Variants in PLIN1 observed in about 807,000 individuals in gnomAD.
The protein encoded by PLIN1 is perilipin 1.
In PLIN1, 37 loss-of-function variants were observed where a neutral mutation model predicts 45.8. The ratio of observed to expected loss-of-function variants is 0.81; its 90% CI spans 0.62 to 1.06. The LOEUF (loss-of-function observed/expected upper bound fraction) is 1.06, where lower values mean the gene tolerates loss of function less well. Among genes scored for constraint, PLIN1 ranks in the 50% least tolerant of loss-of-function variants. The probability of loss-of-function intolerance (pLI) is 0.00; values close to 1 mark genes in which losing one functional copy is unlikely to be tolerated. For missense variants in PLIN1, 776 were observed against 716.5 expected (o/e 1.08, Z -0.95); for synonymous variants, 340 against 309.2 (o/e 1.10, Z -1.05).
rs755301166 is a variant in PLIN1 at position 89,667,719 on chromosome 15, G to A, written c.846C>T (p.Pro282=). Residue 282 remains proline (P), a synonymous_variant, in exon 7 of 9, where the codon CCC becomes CCT. Transcript: ENST00000300055. ...GGGCGGCTGCGAGGCTGTGCAGCCA[G>A]GGTACCCGCACTTCGCTCCTCCGCC... is the stretch of plus-strand genomic sequence containing the variant. ...VSRRRSEVRV[P]WLHSLAAAQE... is the part of the protein sequence containing the mutation. The A allele has an allele frequency of 6.0e-5, 95 of 1,578,434 alleles. No homozygotes were observed. The highest frequency in any genetic ancestry group is 8.0e-5 in the Non-Finnish European group (93 of 1,162,312).
At chr15:89,678,850 CCTAT>C (rs1964557664) in intron 1 of PLIN1, among the ~76,000 whole-genome samples, 2 of 152,034 alleles carry the variant, frequency 1.3e-5, no homozygotes, top group African/African-American at 2.4e-5. Flanking sequence ...TCCCCCTCTC[CCTAT>C]CTGTTTTTTG....
chr15:89,672,345 T>C (rs1410124988), intron 3 of PLIN1, among the ~76,000 whole-genome samples: 1 of 152,220 alleles, frequency 6.6e-6, no homozygotes, highest in Non-Finnish European at 1.5e-5. Context: ...TCATACTCTT[T>C]CATATATTCT....
chr15:89,678,112 C>T (rs1304291675), intron 1 of PLIN1, among the ~76,000 whole-genome samples: 2 of 151,680 alleles, frequency 1.3e-5, no homozygotes, highest in Non-Finnish European at 2.9e-5. Flanking sequence ...AGGCTGGTCT[C>T]GAACTCCTGG....
Position 89,670,079 on chromosome 15 carries a change from T to G in PLIN1, c.499A>C (p.Thr167Pro). The G allele has an allele frequency of 6.2e-7, 1 of 1,613,914 alleles. No individual in the cohort carries two copies. The change falls in exon 5 of 9, where the codon ACT becomes CCT. Residue 167 changes from threonine to proline, a missense_variant. Thr to Pro is a conservative substitution (Grantham distance 38). Coordinates refer to ENST00000300055, the MANE Select transcript of PLIN1 (RefSeq NM_002666.5). ...ARDTAEFAAN[T>P]RAGRLASGGA... ...CCAGAAGCCAGTCGGCCAGCTCGAGTGTTGGCAGCAAATTCCGCAGTGTCT... is the reference window on the plus strand; with the variant it reads ...CCAGAAGCCAGTCGGCCAGCTCGAGGGTTGGCAGCAAATTCCGCAGTGTCT...
At chr15:89,666,062 G>T in intron 8 of PLIN1, 120 bp from the exon 9 acceptor site, 1 of 716,258 alleles carries the variant, frequency 1.4e-6, no homozygotes, top group Non-Finnish European at 2.0e-6. Flanking sequence ...GGAGGACACA[G>T]GCTGGGGAGC....
At chr15:89,669,709 G>A (rs753923647) in intron 5 of PLIN1, 37 bp from the exon 6 acceptor site, 2 of 1,596,644 alleles carry the variant, frequency 1.3e-6, no homozygotes, top group Non-Finnish European at 8.6e-7. Context: ...GAGAAAACAG[G>A]TCAGAGAGGG....
intron 6 of PLIN1, among the ~76,000 whole-genome samples, chr15:89,668,909 T>C (rs778943125): frequency 1.3e-5 from 2 of 152,336 alleles, no homozygotes; most frequent in Non-Finnish European, 2.9e-5. Context: ...TTTTCTGGCC[T>C]TAGTTTCTTA....
chr15:89,676,435 G>T (rs535870877), intron 2 of PLIN1, among the ~76,000 whole-genome samples: 18 of 152,198 alleles, frequency 1.2e-4, no homozygotes, highest in Admixed American at 1.2e-3. Flanking sequence ...TTTTAGTAGA[G>T]ATGGGGTTTC....
At position 89,679,312 on chromosome 15, in the gene PLIN1, CA is replaced by C. The variant is rs1964564031; in HGVS notation, c.-77del. 1 of 152,788 alleles carries C rather than the reference CA, an allele frequency of 6.5e-6. No homozygotes were observed. The highest frequency in any genetic ancestry group is 6.6e-5 in the Admixed American group (1 of 15,266). 9.5% of individuals were successfully genotyped at this position (152,788 alleles called of 1,614,324 possible). A position where few individuals can be genotyped will look rare whatever the true frequency, so the allele number is the denominator to read the frequency against. On this transcript the variant is annotated 5_prime_UTR_variant, in exon 1 of 9. Coordinates refer to ENST00000300055, the MANE Select transcript of PLIN1 (RefSeq NM_002666.5). ...ATGTAAGGCAGGTGCCCCAGGACCC[CA>C]ACACTCACTCCGGCTGACCGCCACC...
rs1324860546 is a variant in PLIN1, at chr15:89,676,500, G to GC, written c.45+944dup. 3.3e-5 allele frequency: 5 copies of GC among 152,332 alleles called. No individual in the cohort carries two copies. The East Asian group carries it at 9.6e-4, about 29-fold the overall frequency. The allele number at this position is 152,332 out of a possible 1,614,324, so 9.4% of individuals were successfully genotyped here. The stretch of plus-strand genomic sequence containing the variant: ...CTGACCTTGTGAACCGCCCGCCTTG[G>GC]CCTCCCAAAGTGCTGGGATTACAGG... On this transcript the variant is annotated intron_variant, in intron 2 of 8. Transcript: ENST00000300055.
chr15:89,666,050 C>T (rs1263791177), intron 8 of PLIN1, 108 bp from the exon 9 acceptor site: 2 of 785,640 alleles, frequency 2.5e-6, no homozygotes, highest in Admixed American at 3.6e-5. Context: ...GAGCGGCCGT[C>T]AGGAGGACAC....
rs1282002804 is a variant in PLIN1 at position 89,667,134 on chromosome 15, A to G, written c.1011T>C (p.His337=). The G allele has an allele frequency of 5.6e-6, 9 of 1,613,702 alleles. No homozygotes were observed. The East Asian group carries it at 6.7e-5, about 12-fold the overall frequency. The stretch of plus-strand genomic sequence containing the variant: ...TGGTCTGGAGGGTCTTCTGCAGGGT[A>G]TGTGCCACACCACCCAGGAGGCCTC... ...GPRGLLGGVA[H]TLQKTLQTTI... is the part of the protein sequence containing the mutation. The change falls in exon 8 of 9, where the codon CAT becomes CAC. Residue 337 remains histidine, a synonymous_variant. Coordinates refer to ENST00000300055, the MANE Select transcript of PLIN1 (RefSeq NM_002666.5).
At position 89,667,159 on chromosome 15, in the gene PLIN1, C is replaced by T. The variant is rs372063597; in HGVS notation, c.986G>A (p.Arg329Gln). Residue 329 changes from arginine (R) to glutamine (Q), a missense_variant, in exon 8 of 9, where the codon CGA (arginine) becomes CAA (glutamine). By Grantham distance (43) the Arg-to-Gln change is conservative. Coordinates refer to ENST00000300055, the MANE Select transcript of PLIN1 (RefSeq NM_002666.5). ...ATGTGCCACACCACCCAGGAGGCCT[C>T]GAGGGCCTGGCAGGGCTGCTACCTG... ...FSEVAALPGP[R>Q]GLLGGVAHTL... is the part of the protein sequence containing the mutation. 46 of 1,613,606 alleles carry T rather than the reference C, an allele frequency of 2.9e-5. No individual in the cohort carries two copies. The highest frequency in any genetic ancestry group is 1.3e-4 in the East Asian group (6 of 44,870).
chr15:89,666,750 A>G (rs1405409092), intron 8 of PLIN1, among the ~76,000 whole-genome samples, 186 bp downstream of exon 8: 1 of 151,354 alleles, frequency 6.6e-6, no homozygotes, highest in Non-Finnish European at 1.5e-5. Flanking sequence ...GGGCCTCTAT[A>G]CTCCTGGGGC....
rs775295801 is a variant in PLIN1, at chr15:89,667,695, G to C, written c.870C>G (p.Ala290=). ...RVPWLHSLAA[A]QEEDHEDQTD... Reference sequence around the variant, plus strand: ...TCTGGTCCTCATGATCCTCCTCCTGGGCGGCTGCGAGGCTGTGCAGCCAGG... The same window carrying C: ...TCTGGTCCTCATGATCCTCCTCCTGCGCGGCTGCGAGGCTGTGCAGCCAGG... Residue 290 remains alanine (A), a synonymous_variant, in exon 7 of 9, where the codon GCC becomes GCG. Coordinates refer to ENST00000300055, the MANE Select transcript of PLIN1 (RefSeq NM_002666.5). 6 of 1,593,362 alleles carry C rather than the reference G, an allele frequency of 3.8e-6. No homozygotes were observed. Among genetic ancestry groups the C allele is most frequent in the Non-Finnish European group, 5.1e-6 (6 of 1,169,948 alleles).
In PLIN1 at chr15:89,669,645, T is replaced by C. The variant is rs769124410; in HGVS notation, c.626A>G (p.Gln209Arg). The C allele has an allele frequency of 6.2e-7, 1 of 1,614,002 alleles. No homozygotes were observed. Among genetic ancestry groups the C allele is most frequent in the South Asian group, 1.1e-5 (1 of 91,086 alleles). ...SAPAPGHQQA[Q>R]KSPKAKPSLL... is the part of the protein sequence containing the mutation. ...GCTTGGCTTGGCCTTGGGAGACTTCTGGGCTTGCTGGTGTCCAGGAGCAGG... is the reference window on the plus strand; with the variant it reads ...GCTTGGCTTGGCCTTGGGAGACTTCCGGGCTTGCTGGTGTCCAGGAGCAGG... The change falls in exon 6 of 9, where the codon CAG becomes CGG. Residue 209 changes from glutamine (Q) to arginine (R), a missense_variant. Transcript: ENST00000300055.
chr15:89,673,345 T>C lies in PLIN1; in HGVS notation c.115A>G (p.Lys39Glu). ...GCTTCCTTAGTGCTGGTGTAGGTCT[T>C]CTGGAAGCATTCGCAGGTGCCACTC... Reference protein sequence around the residue: ...VVSGTCECFQKTYTSTKEAHP... With the variant: ...VVSGTCECFQETYTSTKEAHP... Residue 39 changes from lysine (K) to glutamate (E), a missense_variant, in exon 3 of 9, where the codon AAG becomes GAG. Transcript: ENST00000300055. 1 of 1,600,598 alleles carries C rather than the reference T, an allele frequency of 6.2e-7. No individual in the cohort carries two copies. The highest frequency in any genetic ancestry group is 8.5e-7 in the Non-Finnish European group (1 of 1,173,498).
intron 3 of PLIN1, among the ~76,000 whole-genome samples, 186 bp from the exon 4 acceptor site, chr15:89,671,750 G>A (rs1013174911): frequency 2.0e-5 from 3 of 152,048 alleles, no homozygotes; most frequent in Admixed American, 6.6e-5. Flanking sequence ...CAAGACCCGG[G>A]CCAGTTTCTT....
In PLIN1 at chr15:89,665,767, G is replaced by A. The variant is rs536462615; in HGVS notation, c.1385C>T (p.Pro462Leu). ...PRRSLRSAQS[P>L]GAPPGPGLED... is the part of the protein sequence containing the mutation. ...CAGGCCCGGGCCGGGGGGCGCGCCG[G>A]GGCTCTGCGCGCTGCGCAGGCTGCG... Residue 462 changes from proline to leucine, a missense_variant, in exon 9 of 9, where the codon CCC (proline) becomes CTC (leucine). Coordinates refer to ENST00000300055, the MANE Select transcript of PLIN1 (RefSeq NM_002666.5). The A allele has an allele frequency of 3.0e-4, 384 of 1,274,976 alleles. 1 individual carries two copies. The highest frequency in any genetic ancestry group is 8.8e-4 in the South Asian group (33 of 37,504). 79.0% of individuals were successfully genotyped at this position (1,274,976 alleles called of 1,614,324 possible).
Sources: allele counts gnomAD v4.1 joint callset (sites outside exome capture counted in the v4.1 genomes callset), GRCh38; gene constraint gnomAD v4.1.1; transcripts MANE v1.5; gene names NCBI Gene and HGNC (gene_info 2026-07-23, HGNC 2026-07-21).